Variants in CTNND2 observed in about 807,000 individuals in gnomAD.
CTNND2 encodes catenin delta 2, also known as catenin delta-2.
Under a neutral mutation model 144.4 loss-of-function variants are expected in CTNND2, and 22 were observed. The ratio of observed to expected loss-of-function variants is 0.15; its 90% confidence interval spans 0.11 to 0.22. The LOEUF (loss-of-function observed/expected upper bound fraction) is 0.22. CTNND2 is among the 10% of genes least tolerant of loss of function. The pLI is 1.00. For missense variants in CTNND2, 1,353 were observed against 1,618.8 expected, an observed-to-expected ratio of 0.84 and a Z score of 2.82; for synonymous variants, 751 against 695.6, an observed-to-expected ratio of 1.08 and a Z score of -1.25.
chr5:11,158,261 A>G lies in CTNND2; in HGVS notation c.2159+1315T>C, dbSNP rs548918448. On this transcript the variant is annotated intron_variant, in intron 12 of 21. Transcript: ENST00000304623. Reference sequence around the variant, plus strand: ...TTGTGAATAAGTGAAATAGAAAAAAATCAGGCATGGGAGTTCAGAAGAGCC... The same window carrying G: ...TTGTGAATAAGTGAAATAGAAAAAAGTCAGGCATGGGAGTTCAGAAGAGCC... Among the ~76,000 whole-genome samples, 4 of 152,346 alleles carry G rather than the reference A, an allele frequency of 2.6e-5. No individual in the cohort carries two copies. In the South Asian group the frequency reaches 8.3e-4, roughly 32 times the overall value.
intron 12 of CTNND2, among the ~76,000 whole-genome samples, chr5:11,144,601 T>C (rs972592094): frequency 1.1e-4 from 17 of 152,136 alleles, no homozygotes; most frequent in African/African-American, 4.1e-4. Context: ...GGGGTCTACC[T>C]TTTGGTCCAC....
intron 8 of CTNND2, among the ~76,000 whole-genome samples, chr5:11,348,630 G>C (rs900654702): frequency 1.3e-5 from 2 of 151,752 alleles, no homozygotes; most frequent in Non-Finnish European, 2.9e-5. Context: ...AAGTGTCAGA[G>C]ATCAGGAAAT....
At chr5:11,744,767 GAC>G (rs1378047955) in intron 1 of CTNND2, among the ~76,000 whole-genome samples, 2 of 151,820 alleles carry the variant, frequency 1.3e-5, no homozygotes, top group Non-Finnish European at 2.9e-5. Flanking sequence ...ATTTTTTTGA[GAC>G]AGAGTCTCAC....
chr5:11,041,393 T>C (rs887187399), intron 16 of CTNND2, among the ~76,000 whole-genome samples: 6 of 152,186 alleles, frequency 3.9e-5, no homozygotes, highest in Non-Finnish European at 7.4e-5. Context: ...AAATAGAAGT[T>C]AAATGGTATG....
At chr5:11,530,952 G>A (rs1285523683) in intron 3 of CTNND2, among the ~76,000 whole-genome samples, 1 of 152,164 alleles carries the variant, frequency 6.6e-6, no homozygotes, top group Admixed American at 6.5e-5. Flanking sequence ...TTACACTGTA[G>A]TATCTTTAAA....
At chr5:11,462,363 A>G (rs1766295351) in intron 3 of CTNND2, among the ~76,000 whole-genome samples, 1 of 151,974 alleles carries the variant, frequency 6.6e-6, no homozygotes, top group Admixed American at 6.6e-5. Flanking sequence ...TGTGGATTTG[A>G]CCTATTATAA....
intron 12 of CTNND2, among the ~76,000 whole-genome samples, chr5:11,129,130 T>A (rs1401959586): frequency 3.1e-5 from 1 of 32,294 alleles, no homozygotes; most frequent in African/African-American, 1.6e-4. Flanking sequence ...ATAATATATA[T>A]TTATATATAT....
intron 3 of CTNND2, among the ~76,000 whole-genome samples, chr5:11,528,769 G>C (rs1410054470): frequency 6.6e-6 from 1 of 152,210 alleles, no homozygotes; most frequent in East Asian, 1.9e-4. Flanking sequence ...CAAAGGAAGT[G>C]AGCAGCGACC....
At chr5:11,859,822 C>G (rs1240372080) in intron 1 of CTNND2, among the ~76,000 whole-genome samples, 1 of 152,012 alleles carries the variant, frequency 6.6e-6, no homozygotes, top group African/African-American at 2.4e-5. Flanking sequence ...CCATAAAACT[C>G]TGAGCACCAC....
intron 3 of CTNND2, among the ~76,000 whole-genome samples, chr5:11,518,098 T>C (rs886718871): frequency 1.3e-5 from 2 of 152,182 alleles, no homozygotes; most frequent in African/African-American, 4.8e-5. Flanking sequence ...TAACAACATT[T>C]TGGTTAACAA....
intron 9 of CTNND2, among the ~76,000 whole-genome samples, chr5:11,297,214 C>T (rs562016170): frequency 6.6e-6 from 1 of 152,272 alleles, no homozygotes; most frequent in East Asian, 1.9e-4. Context: ...AAGTTCATTG[C>T]TATATTTTTA....
intron 17 of CTNND2, among the ~76,000 whole-genome samples, chr5:11,020,062 A>G (rs1011991028): frequency 6.6e-6 from 1 of 152,188 alleles, no homozygotes; most frequent in Non-Finnish European, 1.5e-5. Flanking sequence ...TGAGGACTTC[A>G]GTTGGTGCAG....
At chr5:11,086,882 A>G (rs942395746) in intron 15 of CTNND2, among the ~76,000 whole-genome samples, 8 of 152,232 alleles carry the variant, frequency 5.3e-5, no homozygotes, top group Non-Finnish European at 1.2e-4. Context: ...TAATTTAACT[A>G]GCTTTTCCTC....
chr5:11,507,429 C>G (rs1371376658), intron 3 of CTNND2, among the ~76,000 whole-genome samples: 4 of 152,184 alleles, frequency 2.6e-5, no homozygotes, highest in Non-Finnish European at 5.9e-5. Flanking sequence ...AATGCCCCTC[C>G]TCCATCACCC....
chr5:11,166,317 C>T (rs1219446975), intron 11 of CTNND2, among the ~76,000 whole-genome samples: 9 of 142,570 alleles, frequency 6.3e-5, no homozygotes, highest in African/African-American at 1.9e-4. Flanking sequence ...GGTGTGATCT[C>T]GGCTCACTGC....
intron 2 of CTNND2, among the ~76,000 whole-genome samples, chr5:11,635,914 C>CT (rs943492516): frequency 2.3e-4 from 35 of 151,940 alleles, no homozygotes; most frequent in South Asian, 6.2e-4. Flanking sequence ...TTTGGAGTAT[C>CT]TTTTTTTTCT....
At chr5:11,760,049 CAAAAAA>C (rs33988550) in intron 1 of CTNND2, among the ~76,000 whole-genome samples, 1,491 of 117,632 alleles carry the variant, frequency 0.013, 23 homozygotes, top group African/African-American at 0.038. Flanking sequence ...GTACTGGATG[CAAAAAA>C]AAAAAAAAAA....
intron 12 of CTNND2, among the ~76,000 whole-genome samples, chr5:11,154,227 G>T (rs1289691659): frequency 6.6e-6 from 1 of 152,206 alleles, no homozygotes; most frequent in Non-Finnish European, 1.5e-5. Context: ...TCCATGCAAT[G>T]TTCAGAAGCT....
chr5:11,774,814 G>A (rs1189400735), intron 1 of CTNND2, among the ~76,000 whole-genome samples: 1 of 152,128 alleles, frequency 6.6e-6, no homozygotes, highest in African/African-American at 2.4e-5. Flanking sequence ...ACAGGTAACT[G>A]CACATTAGTA....
Sources: gnomAD v4.1 joint callset for allele counts (sites outside exome capture counted in the v4.1 genomes callset) on GRCh38, gnomAD v4.1.1 for gene constraint, MANE v1.5 for transcripts, NCBI Gene and HGNC (gene_info 2026-07-23, HGNC 2026-07-21) for gene names.